MYO1D: variants seen among roughly 807,000 people sequenced by gnomAD.
The protein encoded by MYO1D is myosin ID, also known as unconventional myosin-Id.
A neutral mutation model predicts 122.0 loss-of-function variants in MYO1D; 83 were observed. The observed-to-expected ratio is 0.68, with a 90% CI of 0.57 to 0.82. The LOEUF (loss-of-function observed/expected upper bound fraction) is 0.82, where lower values mean the gene tolerates loss of function less well. Ranked by LOEUF, MYO1D falls within the 40% of genes least tolerant of loss-of-function variation. MYO1D has a pLI of 0.00. For missense variants in MYO1D, 1,157 were observed against 1,269.5 expected (o/e 0.91, Z 1.35); for synonymous variants, 464 against 446.9 (o/e 1.04, Z -0.48).
At chr17:32,539,276 TACACACACACACACACACAC>T (rs5819986) in intron 21 of MYO1D, among the ~76,000 whole-genome samples, 46 of 133,516 alleles carry the variant, frequency 3.4e-4, no homozygotes, top group African/African-American at 6.8e-4. Flanking sequence ...ACCCTGTCTC[TACACACACACACACACACAC>T]ACACACACAC....
intron 20 of MYO1D, among the ~76,000 whole-genome samples, chr17:32,628,871 AT>A (rs2087963252): frequency 6.6e-6 from 1 of 152,240 alleles, no homozygotes; most frequent in South Asian, 2.1e-4. Context: ...GGATTGAGCA[AT>A]AGCACTCCTA....
intron 1 of MYO1D, among the ~76,000 whole-genome samples, chr17:32,864,558 A>G (rs1057289954): frequency 7.3e-6 from 1 of 136,628 alleles, no homozygotes; most frequent in African/African-American, 2.9e-5. Flanking sequence ...GAAAAAAAAA[A>G]AAAAAAAAAA....
chr17:32,563,886 C>A (rs1434470270), intron 21 of MYO1D, among the ~76,000 whole-genome samples: 1 of 152,090 alleles, frequency 6.6e-6, no homozygotes, highest in African/African-American at 2.4e-5. Flanking sequence ...TTTCTTAAAC[C>A]CCTTTTGATT....
intron 20 of MYO1D, among the ~76,000 whole-genome samples, chr17:32,630,375 A>G (rs781412633): frequency 1.3e-5 from 2 of 152,194 alleles, no homozygotes; most frequent in African/African-American, 2.4e-5. Context: ...ACACAGGATT[A>G]TGTGATGATT....
chr17:32,530,433 C>G (rs1374886850), intron 21 of MYO1D, among the ~76,000 whole-genome samples: 2 of 152,200 alleles, frequency 1.3e-5, no homozygotes, highest in African/African-American at 4.8e-5. Context: ...AAGTGCTAGT[C>G]TAATTCCAAG....
chr17:32,859,390 T>C (rs562974744), intron 1 of MYO1D, among the ~76,000 whole-genome samples: 1 of 152,316 alleles, frequency 6.6e-6, no homozygotes, highest in South Asian at 2.1e-4. Context: ...GGATGCTCTT[T>C]TTCCATACTC....
intron 2 of MYO1D, among the ~76,000 whole-genome samples, chr17:32,780,103 G>A (rs1435590266): frequency 1.3e-5 from 2 of 151,732 alleles, no homozygotes; most frequent in Non-Finnish European, 2.9e-5. Context: ...CCCCTTGTTG[G>A]GCTTCAATAA....
chr17:32,536,617 C>T lies in MYO1D; in HGVS notation c.2865-41702G>A, dbSNP rs532686640. Among the ~76,000 whole-genome samples the T allele has an allele frequency of 1.1e-4, 17 of 152,212 alleles. 1 individual carries two copies. Among genetic ancestry groups the T allele is most frequent in the East Asian group, 9.7e-4 (5 of 5,178 alleles). On this transcript the variant is annotated intron_variant, in intron 21 of 21. Transcript: ENST00000318217. Reference sequence around the variant, plus strand: ...TTCAAGTGGATAATTCTAAAGACAACGCCAATTAATTAGTTTCCCAGAATT... The same window carrying T: ...TTCAAGTGGATAATTCTAAAGACAATGCCAATTAATTAGTTTCCCAGAATT...
chr17:32,591,199 T>C lies in MYO1D; in HGVS notation c.2864+13888A>G, dbSNP rs142789990. Among the ~76,000 whole-genome samples, 1,124 of 152,372 alleles carry C rather than the reference T, an allele frequency of 7.4e-3. 11 individuals are homozygous for C. Among genetic ancestry groups the C allele is most frequent in the African/African-American group, 0.022 (897 of 41,588 alleles). On this transcript the variant is annotated intron_variant, in intron 21 of 21. Transcript: ENST00000318217. The stretch of plus-strand genomic sequence containing the variant: ...TGGAAAGTCAGTGGATTGCTCACAG[T>C]ACACAACAGCTGTTACACTTTAACA...
chr17:32,638,219 G>A (rs559417715), intron 20 of MYO1D, among the ~76,000 whole-genome samples: 5 of 152,102 alleles, frequency 3.3e-5, no homozygotes, highest in Non-Finnish European at 7.4e-5. Flanking sequence ...AAATGATAAC[G>A]GAATTAGAAA....
intron 19 of MYO1D, among the ~76,000 whole-genome samples, chr17:32,645,343 C>T (rs2088272793): frequency 6.6e-6 from 1 of 152,114 alleles, no homozygotes; most frequent in Non-Finnish European, 1.5e-5. Flanking sequence ...ACATTTTTTC[C>T]TTCATTTCAA....
At chr17:32,603,668 G>A (rs1189516915) in intron 21 of MYO1D, among the ~76,000 whole-genome samples, 1 of 151,748 alleles carries the variant, frequency 6.6e-6, no homozygotes, top group Non-Finnish European at 1.5e-5. Flanking sequence ...TGGGACTACA[G>A]GTGCCCGCCA....
Position 32,855,293 on chromosome 17 carries a change from C to T in MYO1D, c.95+21485G>A, listed in dbSNP as rs527622111. Among the ~76,000 whole-genome samples, 5 of 152,222 alleles carry T rather than the reference C, an allele frequency of 3.3e-5. No individual in the cohort carries two copies. The East Asian group carries it at 9.6e-4, about 29-fold the overall frequency. On this transcript the variant is annotated intron_variant, in intron 1 of 21. Transcript: ENST00000318217. ...CTGTGCCAAGACTGTTCCCGGCACC[C>T]CCAGATACCCTCCTTTAGTCTCCTC...
chr17:32,522,357 C>A (rs1910175068), intron 21 of MYO1D, among the ~76,000 whole-genome samples: 1 of 152,132 alleles, frequency 6.6e-6, no homozygotes, highest in Non-Finnish European at 1.5e-5. Context: ...AAAGCCTTTT[C>A]ACCAAAAATG....
intron 16 of MYO1D, among the ~76,000 whole-genome samples, chr17:32,693,711 A>G (rs556665435): frequency 7.9e-5 from 12 of 152,306 alleles, no homozygotes; most frequent in African/African-American, 2.6e-4. Flanking sequence ...TCTGCTTCCA[A>G]CTTACAGCAG....
chr17:32,873,151 T>TA (rs542213718), intron 1 of MYO1D, among the ~76,000 whole-genome samples: 81 of 149,646 alleles, frequency 5.4e-4, no homozygotes, highest in Admixed American at 1.5e-3. Flanking sequence ...CATAAGCTTT[T>TA]AAAAAAAAAA....
At chr17:32,577,634 AC>A (rs1268174538) in intron 21 of MYO1D, among the ~76,000 whole-genome samples, 7 of 145,226 alleles carry the variant, frequency 4.8e-5, no homozygotes, top group African/African-American at 2.0e-4. Flanking sequence ...TAGTCTAGTC[AC>A]AAAAAAAAAA....
intron 19 of MYO1D, among the ~76,000 whole-genome samples, chr17:32,643,678 T>C (rs2088240600): frequency 6.6e-6 from 1 of 152,232 alleles, no homozygotes; most frequent in South Asian, 2.1e-4. Flanking sequence ...AATTTATCCA[T>C]TTCTTCTAGA....
intron 1 of MYO1D, among the ~76,000 whole-genome samples, chr17:32,829,912 C>CA (rs746256417): frequency 6.6e-6 from 1 of 152,168 alleles, no homozygotes; most frequent in Non-Finnish European, 1.5e-5. Flanking sequence ...AATAAACAGA[C>CA]ATCTCTTCTA....
Sources: allele counts gnomAD v4.1 joint callset (sites outside exome capture counted in the v4.1 genomes callset), GRCh38; gene constraint gnomAD v4.1.1; transcripts MANE v1.5; gene names NCBI Gene and HGNC (gene_info 2026-07-23, HGNC 2026-07-21).